SCEL: variants seen among roughly 807,000 people sequenced by gnomAD.
SCEL encodes sciellin.
In SCEL, 113 loss-of-function variants were observed where a neutral mutation model predicts 117.6. The observed-to-expected ratio is 0.96, with a 90% confidence interval of 0.83 to 1.12. The LOEUF (loss-of-function observed/expected upper bound fraction) is 1.12, where lower values mean the gene tolerates loss of function less well. Among genes scored for constraint, SCEL ranks in the 50% most tolerant of loss-of-function variants. The pLI is 0.00. For missense variants in SCEL, 785 were observed against 810.8 expected (o/e 0.97, Z 0.39); for synonymous variants, 270 against 256.2 (o/e 1.05, Z -0.51).
intron 20 of SCEL, among the ~76,000 whole-genome samples, chr13:77,608,690 AT>A (rs1219153557): frequency 6.6e-6 from 1 of 152,246 alleles, no homozygotes; most frequent in Non-Finnish European, 1.5e-5. Context: ...AAAAAAGGAT[AT>A]TACAAATGGA....
At chr13:77,556,433 C>T (rs1442988123) in intron 2 of SCEL, among the ~76,000 whole-genome samples, 163 bp from the exon 3 acceptor site, 1 of 152,192 alleles carries the variant, frequency 6.6e-6, no homozygotes, top group Non-Finnish European at 1.5e-5. Context: ...GGTGTGGGAT[C>T]TGTTCTTTCT....
At chr13:77,620,546 A>G (rs181671698) in intron 27 of SCEL, among the ~76,000 whole-genome samples, 1 of 152,332 alleles carries the variant, frequency 6.6e-6, no homozygotes, top group East Asian at 1.9e-4. Flanking sequence ...GGCATCCTTG[A>G]GCTTCTTCTA....
chr13:77,583,693 C>T (rs1188366667), intron 9 of SCEL, among the ~76,000 whole-genome samples: 1 of 152,016 alleles, frequency 6.6e-6, no homozygotes, highest in Non-Finnish European at 1.5e-5. Context: ...AGTTTGAAAC[C>T]CTGGCTAAGC....
intron 12 of SCEL, among the ~76,000 whole-genome samples, chr13:77,594,389 A>G (rs2087100928): frequency 6.6e-6 from 1 of 152,294 alleles, no homozygotes; most frequent in African/African-American, 2.4e-5. Flanking sequence ...TAGTTTCCAA[A>G]TACTCTGGCT....
chr13:77,642,920 TTAA>T (rs1277258061), intron 32 of SCEL, 112 bp downstream of exon 32: 1 of 545,286 alleles, frequency 1.8e-6, no homozygotes, highest in Non-Finnish European at 3.1e-6. Context: ...TTATATTTAG[TTAA>T]TAATTCAGCT....
At chr13:77,538,958 T>C (rs2083555852) in intron 1 of SCEL, among the ~76,000 whole-genome samples, 1 of 152,220 alleles carries the variant, frequency 6.6e-6, no homozygotes, top group African/African-American at 2.4e-5. Flanking sequence ...CACATGTCTG[T>C]ATGGAGAGCT....
intron 3 of SCEL, among the ~76,000 whole-genome samples, chr13:77,558,764 C>T (rs928143230): frequency 2.9e-5 from 4 of 139,970 alleles, no homozygotes; most frequent in East Asian, 2.0e-4. Flanking sequence ...TGCAGTGAGC[C>T]GAGATATCGC....
chr13:77,607,988 A>G (rs2088344474), intron 19 of SCEL, 68 bp from the exon 20 acceptor site: 8 of 1,235,708 alleles, frequency 6.5e-6, no homozygotes, highest in Non-Finnish European at 8.2e-6. Context: ...AAATAGCTTT[A>G]TCTTCTTGTT....
Position 77,644,238 on chromosome 13 carries a change from T to G in SCEL, c.2051-20T>G, listed in dbSNP as rs761595592. Reference sequence around the variant, plus strand: ...TGTTTCTGTACTGAATTTGCACGTCTTTTTTCTTTTAATTTGCAGCAAAGT... The same window carrying G: ...TGTTTCTGTACTGAATTTGCACGTCGTTTTTCTTTTAATTTGCAGCAAAGT... On this transcript the variant is annotated intron_variant, in intron 32 of 32. Coordinates refer to ENST00000349847, the MANE Select transcript of SCEL (RefSeq NM_144777.3). The G allele has an allele frequency of 1.0e-4, 161 of 1,612,712 alleles. No homozygotes were observed. Among genetic ancestry groups the G allele is most frequent in the Non-Finnish European group, 1.3e-4 (149 of 1,179,070 alleles).
At chr13:77,539,122 A>G (rs1239269457) in intron 1 of SCEL, among the ~76,000 whole-genome samples, 1 of 152,186 alleles carries the variant, frequency 6.6e-6, no homozygotes, top group South Asian at 2.1e-4. Flanking sequence ...TGAAATCTAG[A>G]TAGACTTGAA....
chr13:77,569,500 C>A, intron 8 of SCEL, 49 bp downstream of exon 8: 1 of 1,417,576 alleles, frequency 7.1e-7, no homozygotes, highest in Non-Finnish European at 9.9e-7. Context: ...CTATGAAAGA[C>A]TGCATTAGAA....
chr13:77,597,452 G>C, intron 12 of SCEL, 93 bp from the exon 13 acceptor site: 1 of 672,248 alleles, frequency 1.5e-6, no homozygotes, highest in South Asian at 1.8e-5. Flanking sequence ...GGGATGTGTT[G>C]TATTTCAGAG....
At chr13:77,626,292 A>G (rs556126937) in intron 27 of SCEL, among the ~76,000 whole-genome samples, 281 of 152,282 alleles carry the variant, frequency 1.8e-3, no homozygotes, top group Non-Finnish European at 2.2e-3. Context: ...TCAATTATCT[A>G]CACCTGGCTC....
intron 12 of SCEL, among the ~76,000 whole-genome samples, chr13:77,596,579 G>C (rs1454422941): frequency 3.3e-5 from 5 of 152,088 alleles, no homozygotes; most frequent in Non-Finnish European, 7.4e-5. Flanking sequence ...ATGAATAAGT[G>C]ATGAGTCCTG....
At chr13:77,639,868 AG>A (rs1173552371) in intron 30 of SCEL, among the ~76,000 whole-genome samples, 1 of 152,112 alleles carries the variant, frequency 6.6e-6, no homozygotes, top group African/African-American at 2.4e-5. Context: ...TATACTCTGC[AG>A]GGTGCTATTT....
chr13:77,637,251 CATATATATATATAT>C, intron 30 of SCEL, 57 bp downstream of exon 30: 1 of 412,098 alleles, frequency 2.4e-6, no homozygotes, highest in Non-Finnish European at 4.3e-6. Context: ...CACACACACA[CATATATATATATAT>C]ATACACACAC....
chr13:77,620,689 G>C (rs543006334), intron 27 of SCEL, among the ~76,000 whole-genome samples: 1 of 152,064 alleles, frequency 6.6e-6, no homozygotes, highest in Non-Finnish European at 1.5e-5. Context: ...CCTATAAACT[G>C]TGTTAGACTG....
chr13:77,607,121 C>A (rs1276182469), intron 19 of SCEL, among the ~76,000 whole-genome samples: 1 of 152,108 alleles, frequency 6.6e-6, no homozygotes. Flanking sequence ...TCACTGCAGC[C>A]TCAAAAGCCT....
intron 31 of SCEL, 33 bp from the exon 32 acceptor site, chr13:77,642,673 A>G (rs772930159): frequency 3.1e-6 from 4 of 1,287,308 alleles, no homozygotes; most frequent in South Asian, 1.3e-5. Flanking sequence ...TTCATTTACA[A>G]TGGAAACTTT....
Sources: allele counts gnomAD v4.1 joint callset (sites outside exome capture counted in the v4.1 genomes callset), GRCh38; gene constraint gnomAD v4.1.1; transcripts MANE v1.5; gene names NCBI Gene and HGNC (gene_info 2026-07-23, HGNC 2026-07-21).